The following SPATA6 variants were observed in gnomAD, a reference collection of about 807,000 sequenced individuals.
SPATA6 encodes the protein spermatogenesis associated 6.
A neutral mutation model predicts 65.3 loss-of-function variants in SPATA6; 56 were observed. That is an observed-to-expected ratio of 0.86 (90% confidence interval 0.69 to 1.07). SPATA6 has a LOEUF of 1.07. Ranked by LOEUF, SPATA6 falls within the 50% of genes least tolerant of loss-of-function variation. SPATA6 has a pLI of 0.00. For synonymous variants in SPATA6, 199 were observed against 213.2 expected (o/e 0.93, Z 0.58); for missense variants, 590 against 594.8 (o/e 0.99, Z 0.08).
intron 3 of SPATA6, among the ~76,000 whole-genome samples, chr1:48,429,772 A>T (rs1055370512): frequency 2.6e-5 from 4 of 152,174 alleles, no homozygotes; most frequent in Non-Finnish European, 5.9e-5. Flanking sequence ...GTATGAACAA[A>T]ATGGAAATAT....
the SPATA6 span, among the ~76,000 whole-genome samples, chr1:48,272,715 G>C: frequency 6.6e-6 from 1 of 152,038 alleles, no homozygotes; most frequent in African/African-American, 2.4e-5. Context: ...GAAATTGTTG[G>C]ATCATATGAT....
At chr1:48,422,960 T>C (rs1316627289) in intron 3 of SPATA6, among the ~76,000 whole-genome samples, 2 of 151,948 alleles carry the variant, frequency 1.3e-5, no homozygotes, top group Admixed American at 6.6e-5. Flanking sequence ...TTGTCATCAA[T>C]AGAAAAATGA....
At chr1:48,339,742 A>T (rs1485008986) in intron 11 of SPATA6, among the ~76,000 whole-genome samples, 1 of 152,106 alleles carries the variant, frequency 6.6e-6, no homozygotes, top group Non-Finnish European at 1.5e-5. Flanking sequence ...TAGAATGATA[A>T]AAATTGGAAA....
intron 11 of SPATA6, among the ~76,000 whole-genome samples, chr1:48,306,947 T>C (rs1032269772): frequency 2.0e-5 from 3 of 151,914 alleles, no homozygotes; most frequent in African/African-American, 7.2e-5. Context: ...TTCATATAGA[T>C]ACAACCACTT....
At chr1:48,470,645 C>G (rs961620163) in intron 1 of SPATA6, among the ~76,000 whole-genome samples, 1 of 152,076 alleles carries the variant, frequency 6.6e-6, no homozygotes, top group African/African-American at 2.4e-5. Flanking sequence ...CTAAAACAGT[C>G]CTGTGATTTT....
rs1160828042 is a variant in SPATA6 at position 48,383,458 on chromosome 1, C to T, written c.909+1851G>A. 2.7e-3 allele frequency among the ~76,000 whole-genome samples: 86 copies of T among 31,406 alleles called. 35 individuals carry two copies. The highest frequency in any genetic ancestry group is 5.9e-3 in the Non-Finnish European group (81 of 13,790). 20.6% of individuals were successfully genotyped at this position (31,406 alleles called of 152,430 possible). A position where few individuals can be genotyped will look rare whatever the true frequency, so the allele number is the denominator to read the frequency against. On this transcript the variant is annotated intron_variant, in intron 9 of 12. Coordinates refer to ENST00000371847, the MANE Select transcript of SPATA6 (RefSeq NM_019073.4). Reference sequence around the variant, plus strand: ...GGAGCCCCTCACCTCCCGGACGGGGCGGCTGGCCGGCGGGGGGCTGACCCC... The same window carrying T: ...GGAGCCCCTCACCTCCCGGACGGGGTGGCTGGCCGGCGGGGGGCTGACCCC...
intron 11 of SPATA6, among the ~76,000 whole-genome samples, chr1:48,338,555 G>A (rs906675596): frequency 1.3e-5 from 2 of 152,004 alleles, no homozygotes; most frequent in South Asian, 2.1e-4. Context: ...GGAGATACTT[G>A]AAAATCTGGG....
At chr1:48,450,564 C>A (rs1656471750) in intron 3 of SPATA6, among the ~76,000 whole-genome samples, 1 of 152,030 alleles carries the variant, frequency 6.6e-6, no homozygotes, top group African/African-American at 2.4e-5. Flanking sequence ...TATTAAAATT[C>A]ATATATCCAT....
intron 11 of SPATA6, among the ~76,000 whole-genome samples, chr1:48,353,653 C>T (rs912503673): frequency 6.6e-6 from 1 of 151,790 alleles, no homozygotes; most frequent in Non-Finnish European, 1.5e-5. Flanking sequence ...AATGACATCG[C>T]TTCAAAATAT....
At chr1:48,407,554 C>G (rs776256404) in intron 5 of SPATA6, among the ~76,000 whole-genome samples, 5 of 152,156 alleles carry the variant, frequency 3.3e-5, no homozygotes, top group Non-Finnish European at 5.9e-5. Flanking sequence ...TGCACTAGCT[C>G]CAGAATAGAT....
intron 10 of SPATA6, among the ~76,000 whole-genome samples, chr1:48,356,296 T>C (rs566809391): frequency 1.3e-5 from 2 of 152,102 alleles, no homozygotes; most frequent in South Asian, 4.1e-4. Context: ...AAATTAAAGA[T>C]ATGAAAGAAG....
At chr1:48,448,547 G>A (rs1167242713) in intron 3 of SPATA6, among the ~76,000 whole-genome samples, 1 of 150,770 alleles carries the variant, frequency 6.6e-6, no homozygotes, top group African/African-American at 2.4e-5. Flanking sequence ...TATCTTTTCT[G>A]AGCACACCCA....
At chr1:48,395,900 T>A (rs1349904764) in intron 7 of SPATA6, among the ~76,000 whole-genome samples, 9 of 151,794 alleles carry the variant, frequency 5.9e-5, no homozygotes, top group Non-Finnish European at 1.3e-4. Context: ...TTTTCATGCA[T>A]CAAAAAATAA....
chr1:48,267,351 A>G, the SPATA6 span, among the ~76,000 whole-genome samples: 3 of 152,186 alleles, frequency 2.0e-5, no homozygotes. Flanking sequence ...AATCAGCTCG[A>G]TTAGACTCTC....
intron 1 of SPATA6, among the ~76,000 whole-genome samples, chr1:48,458,315 A>C (rs568357563): frequency 6.6e-6 from 1 of 152,336 alleles, no homozygotes; most frequent in East Asian, 1.9e-4. Context: ...AATGGATTCA[A>C]AACTATGATC....
downstream of SPATA6, among the ~76,000 whole-genome samples, chr1:48,293,271 C>A (rs777543549): frequency 5.0e-4 from 76 of 152,308 alleles, 1 homozygote; most frequent in Admixed American, 1.2e-3. Context: ...CTGAGGGTAA[C>A]ATTTGGTAAT....
At chr1:48,456,679 T>C (rs1657031402) in intron 1 of SPATA6, among the ~76,000 whole-genome samples, 1 of 151,992 alleles carries the variant, frequency 6.6e-6, no homozygotes, top group South Asian at 2.1e-4. Flanking sequence ...AATAAAGAGA[T>C]AAAAATTTTT....
At position 48,395,279 on chromosome 1, in the gene SPATA6, T is replaced by C; in HGVS notation, c.856A>G (p.Arg286Gly). 1.3e-6 allele frequency: 2 copies of C among 1,565,828 alleles called. No homozygotes were observed. The highest frequency in any genetic ancestry group is 1.7e-6 in the Non-Finnish European group (2 of 1,153,164). ...GRDCERDGWS[R>G]VHNDHSHLGC... ...ACTTCTAGCTTACCATTGTGCACCC[T>C]TGACCATCCATCTCTTTCACAGTCT... is the stretch of plus-strand genomic sequence containing the variant. Residue 286 changes from arginine to glycine, a missense_variant, in exon 8 of 13, where the codon AGG (arginine) becomes GGG (glycine). Arg to Gly is a moderately radical substitution (Grantham distance 125, BLOSUM62 -2). Transcript: ENST00000371847.
At chr1:48,331,269 G>C (rs562884947) in intron 11 of SPATA6, among the ~76,000 whole-genome samples, 15 of 152,124 alleles carry the variant, frequency 9.9e-5, no homozygotes, top group Middle Eastern at 3.4e-3. Context: ...AATATGAATA[G>C]AAATGAAGAT....
Sources: gnomAD v4.1 joint callset for allele counts (sites outside exome capture counted in the v4.1 genomes callset) on GRCh38, gnomAD v4.1.1 for gene constraint, MANE v1.5 for transcripts, NCBI Gene and HGNC (gene_info 2026-07-23, HGNC 2026-07-21) for gene names.